The following TCF7L1 variants were observed in gnomAD, a reference collection of about 807,000 sequenced individuals.
The protein encoded by TCF7L1 is transcription factor 7-like 1.
TCF7L1 carries 18 observed loss-of-function variants against 63.7 expected under a neutral mutation model. The ratio of observed to expected loss-of-function variants is 0.28; its 90% CI spans 0.20 to 0.42. The LOEUF is 0.42. TCF7L1 is among the 10% of genes least tolerant of loss of function. The pLI is 1.00. For missense variants in TCF7L1, 654 were observed against 779.3 expected (o/e 0.84, Z 1.91); for synonymous variants, 355 against 340.9 (o/e 1.04, Z -0.46).
intron 3 of TCF7L1, among the ~76,000 whole-genome samples, chr2:85,220,490 C>T (rs1215523321): frequency 3.3e-5 from 5 of 152,058 alleles, no homozygotes; most frequent in Non-Finnish European, 5.9e-5. Flanking sequence ...CTCAGCCTTC[C>T]GAGCAGCTTG....
At chr2:85,267,640 ACT>A (rs1681009393) in intron 3 of TCF7L1, among the ~76,000 whole-genome samples, 1 of 130,426 alleles carries the variant, frequency 7.7e-6, no homozygotes, top group Admixed American at 8.4e-5. Flanking sequence ...CAGAGGAAAG[ACT>A]CTGTCTCAAA....
intron 4 of TCF7L1, among the ~76,000 whole-genome samples, chr2:85,286,560 A>C (rs1681560410): frequency 6.6e-6 from 1 of 151,806 alleles, no homozygotes; most frequent in Admixed American, 6.6e-5. Flanking sequence ...CAATGGCGCG[A>C]TCTTGGCTCA....
intron 3 of TCF7L1, among the ~76,000 whole-genome samples, chr2:85,146,551 G>C (rs1037404750): frequency 3.6e-5 from 5 of 138,202 alleles, no homozygotes; most frequent in African/African-American, 1.4e-4. Flanking sequence ...GCCCAGGCTG[G>C]AGTGCAATGG....
intron 3 of TCF7L1, among the ~76,000 whole-genome samples, chr2:85,248,773 G>A (rs1429877508): frequency 6.6e-6 from 1 of 152,216 alleles, no homozygotes; most frequent in East Asian, 1.9e-4. Flanking sequence ...AACAGAGGCA[G>A]CTCAGCCAGG....
chr2:85,213,872 C>CA (rs1191517589), intron 3 of TCF7L1, among the ~76,000 whole-genome samples: 7 of 152,198 alleles, frequency 4.6e-5, no homozygotes, highest in Non-Finnish European at 8.8e-5. Context: ...AGCTCCAACC[C>CA]ACTGCCCCCA....
rs568018103 is a variant in TCF7L1, at chr2:85,291,448, C to T, written c.525+7870C>T. ...CACTTTGTAACAAGAATCGCCTTTC[C>T]ACTAGTTCCAATAACATGTTCCCCA... On this transcript the variant is annotated intron_variant, in intron 4 of 11. Coordinates refer to ENST00000282111, the MANE Select transcript of TCF7L1 (RefSeq NM_031283.3). Among the ~76,000 whole-genome samples the T allele has an allele frequency of 3.9e-5, 6 of 152,294 alleles. 1 individual carries two copies. In the South Asian group the frequency reaches 1.2e-3, roughly 32 times the overall value.
intron 3 of TCF7L1, among the ~76,000 whole-genome samples, chr2:85,273,293 G>A (rs1370416031): frequency 6.6e-6 from 1 of 152,198 alleles, no homozygotes; most frequent in Admixed American, 6.5e-5. Flanking sequence ...CCCCTCCTGT[G>A]TTTCACCTGC....
intron 3 of TCF7L1, among the ~76,000 whole-genome samples, chr2:85,174,000 G>T (rs1029845953): frequency 2.0e-5 from 3 of 152,186 alleles, no homozygotes; most frequent in African/African-American, 7.2e-5. Flanking sequence ...CTCACAAAGT[G>T]CTGGGATTAC....
chr2:85,199,806 A>C (rs1298240611), intron 3 of TCF7L1, among the ~76,000 whole-genome samples: 1 of 152,180 alleles, frequency 6.6e-6, no homozygotes, highest in Non-Finnish European at 1.5e-5. Flanking sequence ...CATGAAATTC[A>C]TCCTCTTATT....
intron 3 of TCF7L1, among the ~76,000 whole-genome samples, chr2:85,143,601 G>A (rs762530846): frequency 6.6e-6 from 1 of 152,204 alleles, no homozygotes; most frequent in African/African-American, 2.4e-5. Context: ...CTCGTACAAG[G>A]TTACATTGAT....
At chr2:85,279,068 C>T (rs550019920) in intron 3 of TCF7L1, among the ~76,000 whole-genome samples, 1 of 142,776 alleles carries the variant, frequency 7.0e-6, no homozygotes, top group African/African-American at 3.1e-5. Flanking sequence ...ACACACTGGT[C>T]AGGAGCTGGG....
intron 3 of TCF7L1, among the ~76,000 whole-genome samples, chr2:85,218,198 G>A (rs532930821): frequency 1.3e-5 from 2 of 151,868 alleles, no homozygotes; most frequent in Admixed American, 6.6e-5. Flanking sequence ...GATTTAAAAT[G>A]TTCTGAAATG....
intron 3 of TCF7L1, among the ~76,000 whole-genome samples, chr2:85,222,820 T>C (rs1381869396): frequency 6.6e-6 from 1 of 152,166 alleles, no homozygotes; most frequent in East Asian, 1.9e-4. Context: ...AGAAAATTAT[T>C]GTTAACCCTT....
chr2:85,170,288 G>A (rs1678517635), intron 3 of TCF7L1, among the ~76,000 whole-genome samples: 2 of 152,124 alleles, frequency 1.3e-5, no homozygotes, highest in African/African-American at 4.8e-5. Flanking sequence ...ATCAAGCCTG[G>A]CATTTTCAAC....
intron 3 of TCF7L1, among the ~76,000 whole-genome samples, chr2:85,236,539 C>T (rs1438945300): frequency 6.6e-6 from 1 of 152,130 alleles, no homozygotes; most frequent in Non-Finnish European, 1.5e-5. Flanking sequence ...AATGAATTTT[C>T]AAGAGAAAGG....
At chr2:85,143,625 G>A (rs1446010517) in intron 3 of TCF7L1, among the ~76,000 whole-genome samples, 3 of 152,142 alleles carry the variant, frequency 2.0e-5, no homozygotes, top group African/African-American at 4.8e-5. Context: ...GATTGATGGC[G>A]CCAAGATTTG....
Position 85,244,831 on chromosome 2 carries a change from G to A in TCF7L1, c.442-38664G>A, listed in dbSNP as rs185863564. ...AAAAAAAGAGGTCAAGGGCTGAGCC[G>A]TGGGCACTACAGCTTTTGCACACTG... is the stretch of plus-strand genomic sequence containing the variant. On this transcript the variant is annotated intron_variant, in intron 3 of 11. Transcript: ENST00000282111. Among the ~76,000 whole-genome samples the A allele has an allele frequency of 5.3e-5, 8 of 152,272 alleles. No individual in the cohort carries two copies. The South Asian group carries it at 8.3e-4, about 16-fold the overall frequency.
Position 85,133,540 on chromosome 2 carries a change from C to T in TCF7L1, c.-145C>T, listed in dbSNP as rs1362158878. 5.4e-6 allele frequency: 1 copy of T among 184,370 alleles called. No homozygotes were observed. The highest frequency in any genetic ancestry group is 6.7e-5 in the Admixed American group (1 of 15,008). 11.4% of individuals were successfully genotyped at this position (184,370 alleles called of 1,614,324 possible). A position where few individuals can be genotyped will look rare whatever the true frequency, so the allele number is the denominator to read the frequency against. The stretch of plus-strand genomic sequence containing the variant: ...CGGCCGGGCAGCGCCGGGCCCGCTT[C>T]CCGCGGGGCCACGCCCTGTCAAACT... On this transcript the variant is annotated 5_prime_UTR_variant, in exon 1 of 12. Transcript: ENST00000282111. This position sits in a 1 kb window ranked among gnomAD's most constrained non-coding sequence, Gnocchi z 4.4.
At chr2:85,207,729 G>A (rs1022505887) in intron 3 of TCF7L1, among the ~76,000 whole-genome samples, 7 of 151,858 alleles carry the variant, frequency 4.6e-5, no homozygotes, top group Non-Finnish European at 8.8e-5. Flanking sequence ...AGTGATACAC[G>A]TTCAGTAGAA....
Sources: gnomAD v4.1 joint callset for allele counts (sites outside exome capture counted in the v4.1 genomes callset) on GRCh38, gnomAD v4.1.1 for gene constraint, Gnocchi (gnomAD v3.1) non-coding constraint, MANE v1.5 for transcripts, NCBI Gene and HGNC (gene_info 2026-07-23, HGNC 2026-07-21) for gene names.